Variants in ZNF142 observed in about 807,000 individuals in gnomAD.
The protein encoded by ZNF142 is zinc finger protein 142, also known as zinc finger protein 142 (clone pHZ-49).
Under a neutral mutation model 132.1 loss-of-function variants are expected in ZNF142, and 96 were observed. The ratio of observed to expected loss-of-function variants is 0.73; its 90% CI spans 0.62 to 0.86. ZNF142 has a LOEUF of 0.86. Among genes scored for constraint, ZNF142 ranks in the 40% least tolerant of loss-of-function variants. The probability of loss-of-function intolerance (pLI) is 0.00; values close to 1 mark genes in which losing one functional copy is unlikely to be tolerated. For missense variants in ZNF142, 2,163 were observed against 2,336.2 expected (o/e 0.93, Z 1.53); for synonymous variants, 842 against 890.1 (o/e 0.95, Z 0.96).
At position 218,642,557 on chromosome 2, in the gene ZNF142, GGA is replaced by G. The variant is rs776034896; in HGVS notation, c.4557_4558del (p.Pro1520CysfsTer5). The stretch of plus-strand genomic sequence containing the variant: ...CAGGGGGCCCTCAGTGGTCTCTGCA[GGA>G]GAGCCAGGGGCAGGCTGTGCAGGCT... On this transcript the variant is annotated frameshift_variant, in exon 9 of 11. Transcript: ENST00000411696. LOFTEE classifies it high-confidence loss of function. The surrounding 1 kb of genome is among the most constrained non-coding windows in gnomAD (Gnocchi z 4.6). The G allele has an allele frequency of 1.2e-6, 2 of 1,613,048 alleles. No homozygotes were observed. Among genetic ancestry groups the G allele is most frequent in the South Asian group, 2.2e-5 (2 of 91,028 alleles).
intron 10 of ZNF142, among the ~76,000 whole-genome samples, chr2:218,640,381 T>G (rs1050045368): frequency 3.9e-5 from 6 of 152,098 alleles, no homozygotes; most frequent in Non-Finnish European, 8.8e-5. Context: ...CAAGTTTGAG[T>G]TGGGGGTTCT....
chr2:218,650,400 T>C lies in ZNF142; in HGVS notation c.1007A>G (p.Gln336Arg). 6.2e-7 allele frequency: 1 copy of C among 1,614,220 alleles called. No homozygotes were observed. Among genetic ancestry groups the C allele is most frequent in the African/African-American group, 1.3e-5 (1 of 75,052 alleles). Residue 336 changes from glutamine to arginine, a missense_variant, in exon 6 of 11, where the codon CAA (glutamine) becomes CGA (arginine). Gln to Arg is a conservative substitution (Grantham distance 43). Transcript: ENST00000411696. ...CCCTTGGCCTTTATCCACAGCCTTT[T>C]GGGAGTCCTTCTGGGTGTCACTCTT... ...EEKSDTQKDS[Q>R]KAVDKGQGAQ...
chr2:218,650,597 C>G, intron 5 of ZNF142, 71 bp from the exon 6 acceptor site: 1 of 1,401,492 alleles, frequency 7.1e-7, no homozygotes, highest in Non-Finnish European at 9.5e-7. Flanking sequence ...ACTTCTCTAC[C>G]TACTGGCTGA....
Position 218,658,755 on chromosome 2 carries a change from G to C in ZNF142, c.-89C>G, listed in dbSNP as rs148926083. 1.3e-5 allele frequency: 2 copies of C among 152,152 alleles called. No individual in the cohort carries two copies. Among genetic ancestry groups the C allele is most frequent in the Non-Finnish European group, 2.9e-5 (2 of 68,054 alleles). 9.4% of individuals were successfully genotyped at this position (152,152 alleles called of 1,614,324 possible). A position where few individuals can be genotyped will look rare whatever the true frequency, so the allele number is the denominator to read the frequency against. ...CAAGCTTGACCATACATGGCCTCCGGGGGGAGCCAAGGAGGACGCTGAGCC... is the reference window on the plus strand; with the variant it reads ...CAAGCTTGACCATACATGGCCTCCGCGGGGAGCCAAGGAGGACGCTGAGCC... On this transcript the variant is annotated 5_prime_UTR_variant, in exon 3 of 11. Transcript: ENST00000411696.
chr2:218,648,524 T>A (rs1937644526), intron 7 of ZNF142, 111 bp downstream of exon 7: 2 of 1,033,024 alleles, frequency 1.9e-6, no homozygotes, highest in African/African-American at 1.6e-5. Flanking sequence ...GAATGCTAGA[T>A]CTATCTCTAG....
rs768640181 is a variant in ZNF142 at position 218,649,400 on chromosome 2, G to A, written c.1108C>T (p.Arg370Cys). 1.1e-5 allele frequency: 18 copies of A among 1,613,298 alleles called. No individual in the cohort carries two copies. The highest frequency in any genetic ancestry group is 8.9e-5 in the East Asian group (4 of 44,868). Residue 370 changes from arginine (R) to cysteine (C), a missense_variant, in exon 7 of 11, where the codon CGC becomes TGC. Arg to Cys is a radical substitution (Grantham distance 180). Around this residue, in one of 7 missense-constraint regions of ZNF142, gnomAD observed 749 missense variants for 830.3 expected, o/e 0.90. Coordinates refer to ENST00000411696, the MANE Select transcript of ZNF142 (RefSeq NM_001379659.1). ...AGATGAGTCCGCTTCTTAAAGCAGC[G>A]CTTACACTCTGGACACATATGGGTC... ...FKTHMCPECK[R>C]CFKKRTHLVE...
rs892460068 is a variant in ZNF142, at chr2:218,634,381, T to C, written c.*3958A>G. ...GCAGGTACCGTGCACCCAGTACCTA[T>C]CTTCTTAACTCCCTGAAAGAGGGGC... On this transcript the variant is annotated 3_prime_UTR_variant, in exon 11 of 11. Coordinates refer to ENST00000411696, the MANE Select transcript of ZNF142 (RefSeq NM_001379659.1). The surrounding 1 kb of genome is among the most constrained non-coding windows in gnomAD (Gnocchi z 4.0). 3 of 1,571,660 alleles carry C rather than the reference T, an allele frequency of 1.9e-6. No homozygotes were observed. In the Admixed American group the frequency reaches 5.3e-5, roughly 28 times the overall value.
rs759990282 is a variant in ZNF142 at position 218,642,023 on chromosome 2, A to G, written c.5088+5T>C. 3.1e-6 allele frequency: 5 copies of G among 1,611,996 alleles called. No homozygotes were observed. In the East Asian group the frequency reaches 1.1e-4, roughly 36 times the overall value. On this transcript the variant is annotated splice_donor_5th_base_variant and intron_variant, in intron 9 of 10. Coordinates refer to ENST00000411696, the MANE Select transcript of ZNF142 (RefSeq NM_001379659.1). The surrounding 1 kb of genome is among the most constrained non-coding windows in gnomAD (Gnocchi z 4.6). ...CACTTCCTGCCCCATATCCTCTGAC[A>G]TTACCTTGAGACGAGAGGGATCAGC...
intron 7 of ZNF142, 94 bp from the exon 8 acceptor site, chr2:218,646,442 AG>A (rs35717294): frequency 2.1e-6 from 3 of 1,423,720 alleles, no homozygotes; most frequent in Non-Finnish European, 1.9e-6. Context: ...CCCTGATGCC[AG>A]GGAGGAACAA....
At chr2:218,654,581 G>A (rs142558718) in intron 4 of ZNF142, among the ~76,000 whole-genome samples, 108 of 152,052 alleles carry the variant, frequency 7.1e-4, no homozygotes, top group African/African-American at 2.5e-3. Flanking sequence ...GCCCAGGCTG[G>A]TCTCAAACTC....
chr2:218,634,702 C>A lies in ZNF142; in HGVS notation c.*3637G>T. 1 of 1,528,796 alleles carries A rather than the reference C, an allele frequency of 6.5e-7. No homozygotes were observed. Among genetic ancestry groups the A allele is most frequent in the Non-Finnish European group, 8.9e-7 (1 of 1,122,072 alleles). 94.7% of individuals were successfully genotyped at this position (1,528,796 alleles called of 1,614,324 possible). On this transcript the variant is annotated 3_prime_UTR_variant, in exon 11 of 11. Coordinates refer to ENST00000411696, the MANE Select transcript of ZNF142 (RefSeq NM_001379659.1). The surrounding 1 kb of genome is among the most constrained non-coding windows in gnomAD (Gnocchi z 4.0). ...AGAAGTGAGGGAAGAGGTGGCTAGGCCTGACCGGAATGTAGAGGCCGGATA... is the reference window on the plus strand; with the variant it reads ...AGAAGTGAGGGAAGAGGTGGCTAGGACTGACCGGAATGTAGAGGCCGGATA...
Position 218,646,751 on chromosome 2 carries a change from A to G in ZNF142, c.1874-403T>C, listed in dbSNP as rs1188472242. 3.9e-5 allele frequency among the ~76,000 whole-genome samples: 6 copies of G among 152,024 alleles called. No individual in the cohort carries two copies. The East Asian group carries it at 1.2e-3, about 29-fold the overall frequency. On this transcript the variant is annotated intron_variant, in intron 7 of 10. Coordinates refer to ENST00000411696, the MANE Select transcript of ZNF142 (RefSeq NM_001379659.1). ...AGGTGCCCGCCACCACGCCCAACTA[A>G]TTTTTTTGTATTTTTAGTAGAGATG...
Position 218,638,733 on chromosome 2 carries a change from G to A in ZNF142, c.5270C>T (p.Thr1757Ile), listed in dbSNP as rs1260399141. The change falls in exon 11 of 11, where the codon ACC (threonine) becomes ATC (isoleucine). Residue 1757 changes from threonine (T) to isoleucine (I), a missense_variant. Thr to Ile is a moderately conservative substitution (Grantham distance 89). This residue lies in a region of ZNF142 where 325 missense variants were observed against 367.8 expected (regional missense o/e 0.88). Coordinates refer to ENST00000411696, the MANE Select transcript of ZNF142 (RefSeq NM_001379659.1). Reference protein sequence around the residue: ...RADALRVHQETRHREARAFMC... With the variant: ...RADALRVHQEIRHREARAFMC... The stretch of plus-strand genomic sequence containing the variant: ...GAAAGCCCGTGCTTCTCGATGCCGG[G>A]TCTCCTGGTGCACACGCAGTGCATC... 3 of 1,613,264 alleles carry A rather than the reference G, an allele frequency of 1.9e-6. No homozygotes were observed. The highest frequency in any genetic ancestry group is 3.3e-5 in the Admixed American group (2 of 60,030).
At chr2:218,654,054 G>A (rs1938257730) in intron 4 of ZNF142, among the ~76,000 whole-genome samples, 1 of 151,978 alleles carries the variant, frequency 6.6e-6, no homozygotes, top group Non-Finnish European at 1.5e-5. Context: ...TCCCTATGTT[G>A]CCCATTCTAA....
chr2:218,640,213 GA>G (rs1309790745), intron 10 of ZNF142, among the ~76,000 whole-genome samples: 1 of 152,046 alleles, frequency 6.6e-6, no homozygotes, highest in African/African-American at 2.4e-5. Context: ...ACAGGCACAC[GA>G]TTGTGTGCTT....
chr2:218,644,829 C>T lies in ZNF142; in HGVS notation c.2287G>A (p.Glu763Lys). ...SRHKQAVLSH[E>K]NCKHTRLREF... ...CGGAGGCGGGTATGCTTGCAGTTCTCATGGCTCAGCACAGCCTGCTTGTGG... is the reference window on the plus strand; with the variant it reads ...CGGAGGCGGGTATGCTTGCAGTTCTTATGGCTCAGCACAGCCTGCTTGTGG... The change falls in exon 9 of 11, where the codon GAG becomes AAG. Residue 763 changes from glutamate (E) to lysine (K), a missense_variant. Physicochemically the swap from Glu to Lys is moderately conservative, Grantham distance 56. This residue lies in a region of ZNF142 where 749 missense variants were observed against 830.3 expected (regional missense o/e 0.90). Transcript: ENST00000411696. The surrounding 1 kb of genome is among the most constrained non-coding windows in gnomAD (Gnocchi z 4.6). 6.2e-7 allele frequency: 1 copy of T among 1,614,222 alleles called. No homozygotes were observed. Among genetic ancestry groups the T allele is most frequent in the Non-Finnish European group, 8.5e-7 (1 of 1,180,046 alleles).
At position 218,635,952 on chromosome 2, in the gene ZNF142, G is replaced by C. The variant is rs756498532; in HGVS notation, c.*2387C>G. The stretch of plus-strand genomic sequence containing the variant: ...CAATGGTGAGAAACTGGCAGTGCTG[G>C]GGAGGTGGGGGTAGGAGCATGATTA... On this transcript the variant is annotated 3_prime_UTR_variant, in exon 11 of 11. Transcript: ENST00000411696. The C allele has an allele frequency of 3.1e-6, 5 of 1,613,950 alleles. No individual in the cohort carries two copies. Among genetic ancestry groups the C allele is most frequent in the Non-Finnish European group, 4.2e-6 (5 of 1,179,842 alleles).
Position 218,640,619 on chromosome 2 carries a change from G to A in ZNF142, c.5194+45C>T, listed in dbSNP as rs545744612. The A allele has an allele frequency of 7.6e-6, 12 of 1,578,692 alleles. No homozygotes were observed. In the South Asian group the frequency reaches 1.1e-4, roughly 15 times the overall value. On this transcript the variant is annotated intron_variant, in intron 10 of 10. Coordinates refer to ENST00000411696, the MANE Select transcript of ZNF142 (RefSeq NM_001379659.1). ...ACCTTGGTAAGGTTAGGTTTGCCAG[G>A]GAACAAAGGAACCCTTCAGGCCTGT...
intron 7 of ZNF142, 55 bp downstream of exon 7, chr2:218,648,580 C>T: frequency 6.5e-7 from 1 of 1,533,946 alleles, no homozygotes; most frequent in Non-Finnish European, 8.9e-7. Context: ...CCTTTGTAGC[C>T]AGTATCACCA....
Sources: gnomAD v4.1 joint callset for allele counts (sites outside exome capture counted in the v4.1 genomes callset) on GRCh38, gnomAD v4.1.1 for gene constraint, gnomAD v4.1.1 regional missense constraint, Gnocchi (gnomAD v3.1) non-coding constraint, MANE v1.5 for transcripts, NCBI Gene and HGNC (gene_info 2026-07-23, HGNC 2026-07-21) for gene names.